Variants in PTPN9 observed in about 807,000 individuals in gnomAD.
PTPN9 encodes protein tyrosine phosphatase non-receptor type 9, also known as tyrosine-protein phosphatase non-receptor type 9.
A neutral mutation model predicts 69.8 loss-of-function variants in PTPN9; 26 were observed. The ratio of observed to expected loss-of-function variants is 0.37; its 90% confidence interval spans 0.27 to 0.52. PTPN9 has a LOEUF of 0.52. Ranked by LOEUF, PTPN9 falls within the 20% of genes least tolerant of loss-of-function variation. The pLI, the probability that PTPN9 is intolerant of heterozygous loss-of-function variation, is 0.91. For missense variants in PTPN9, 549 were observed against 740.3 expected (o/e 0.74, Z 3.00); for synonymous variants, 274 against 272.5 (o/e 1.01, Z -0.05).
chr15:75,506,155 C>T, intron 6 of PTPN9, 152 bp from the exon 7 acceptor site: 1 of 659,734 alleles, frequency 1.5e-6, no homozygotes, highest in East Asian at 2.7e-5. Flanking sequence ...GACTACATTT[C>T]ATCTGCCTGA....
chr15:75,514,923 T>C (rs1440832066), intron 5 of PTPN9, among the ~76,000 whole-genome samples: 2 of 152,150 alleles, frequency 1.3e-5, no homozygotes, highest in Admixed American at 1.3e-4. Flanking sequence ...AGGATGTAGA[T>C]CAATGGAAAT....
At chr15:75,471,928 G>T (rs538283876) in intron 10 of PTPN9, among the ~76,000 whole-genome samples, 157 of 151,972 alleles carry the variant, frequency 1.0e-3, no homozygotes, top group Non-Finnish European at 1.7e-3. Flanking sequence ...GCACAATAGA[G>T]TGAGACTCTT....
chr15:75,505,753 G>C lies in PTPN9; in HGVS notation c.890C>G (p.Ala297Gly). The C allele has an allele frequency of 6.2e-7, 1 of 1,614,106 alleles. No homozygotes were observed. Among genetic ancestry groups the C allele is most frequent in the Non-Finnish European group, 8.5e-7 (1 of 1,180,006 alleles). The change falls in exon 7 of 13, where the codon GCC (alanine) becomes GGC (glycine). Residue 297 changes from alanine to glycine, a missense_variant. Coordinates refer to ENST00000618819, the MANE Select transcript of PTPN9 (RefSeq NM_002833.4). Reference sequence around the variant, plus strand: ...CTCATAGATTCCTTGCTTTTGCCTGGCATTAACATAGTCCACCAACTCTTG... The same window carrying C: ...CTCATAGATTCCTTGCTTTTGCCTGCCATTAACATAGTCCACCAACTCTTG... The part of the protein sequence containing the change: ...TIQELVDYVN[A>G]RQKQGIYEEY...
At chr15:75,554,738 T>C (rs1012406875) in intron 1 of PTPN9, among the ~76,000 whole-genome samples, 1 of 152,224 alleles carries the variant, frequency 6.6e-6, no homozygotes, top group African/African-American at 2.4e-5. Flanking sequence ...AGAGACTATT[T>C]GCAAACCTAC....
chr15:75,576,270 A>C (rs1312363887), intron 1 of PTPN9, among the ~76,000 whole-genome samples: 1 of 135,142 alleles, frequency 7.4e-6, no homozygotes, highest in Non-Finnish European at 1.6e-5. Flanking sequence ...AGTGGCTCAC[A>C]CCTGTGATCC....
chr15:75,483,789 G>A (rs1477401063), intron 8 of PTPN9, among the ~76,000 whole-genome samples: 1 of 152,184 alleles, frequency 6.6e-6, no homozygotes, highest in Non-Finnish European at 1.5e-5. Context: ...CTGTTCTCAT[G>A]AAAGCAGGAT....
chr15:75,478,684 G>T (rs1339845391), intron 9 of PTPN9, among the ~76,000 whole-genome samples: 2 of 152,192 alleles, frequency 1.3e-5, no homozygotes, highest in Non-Finnish European at 1.5e-5. Context: ...CCACAATCTG[G>T]ATTGTTTCCC....
chr15:75,571,537 T>C (rs2075148411), intron 1 of PTPN9, among the ~76,000 whole-genome samples: 1 of 152,050 alleles, frequency 6.6e-6, no homozygotes, highest in African/African-American at 2.4e-5. Context: ...GTGGGTAGAC[T>C]GCTTGAGCCC....
chr15:75,497,388 A>C (rs2074748499), intron 7 of PTPN9, among the ~76,000 whole-genome samples: 1 of 152,182 alleles, frequency 6.6e-6, no homozygotes, highest in East Asian at 1.9e-4. Flanking sequence ...GCTACTAGGA[A>C]GGCTAAGGCA....
chr15:75,481,044 G>A (rs1443075211), intron 8 of PTPN9, among the ~76,000 whole-genome samples: 15 of 69,294 alleles, frequency 2.2e-4, no homozygotes, highest in African/African-American at 8.3e-4. Context: ...CTTCCCAGCC[G>A]CCATCACATC....
intron 9 of PTPN9, among the ~76,000 whole-genome samples, chr15:75,478,316 G>A (rs1309304331): frequency 6.6e-6 from 1 of 151,020 alleles, no homozygotes; most frequent in Admixed American, 6.6e-5. Flanking sequence ...TGTTGGTCAG[G>A]CTGGTCTCGA....
At chr15:75,517,111 C>G in intron 5 of PTPN9, 148 bp downstream of exon 5, 1 of 554,586 alleles carries the variant, frequency 1.8e-6, no homozygotes, top group Non-Finnish European at 3.1e-6. Flanking sequence ...TCTAAGGAAG[C>G]AGAGAGTAGT....
At chr15:75,473,280 C>T (rs551442087) in intron 10 of PTPN9, among the ~76,000 whole-genome samples, 21 of 151,976 alleles carry the variant, frequency 1.4e-4, no homozygotes, top group Middle Eastern at 3.4e-3. Flanking sequence ...GACAGAGTCT[C>T]GCTCTGTAGC....
At chr15:75,537,586 C>T (rs2074988768) in intron 1 of PTPN9, among the ~76,000 whole-genome samples, 1 of 144,858 alleles carries the variant, frequency 6.9e-6, no homozygotes, top group Non-Finnish European at 1.5e-5. Context: ...ACCCCCACCT[C>T]TATTAAAAAT....
intron 8 of PTPN9, 87 bp from the exon 9 acceptor site, chr15:75,480,001 G>T: frequency 2.3e-6 from 2 of 888,888 alleles, no homozygotes; most frequent in South Asian, 1.7e-5. Flanking sequence ...TAAAACCCAA[G>T]GTGTGAATAT....
chr15:75,574,574 C>G (rs1170852354), intron 1 of PTPN9, among the ~76,000 whole-genome samples: 1 of 152,062 alleles, frequency 6.6e-6, no homozygotes, highest in Admixed American at 6.6e-5. Context: ...CAGCAGTGTC[C>G]AAGACTTCTG....
chr15:75,503,772 G>A (rs1344523367), intron 7 of PTPN9, among the ~76,000 whole-genome samples: 6 of 23,570 alleles, frequency 2.5e-4, no homozygotes, highest in Non-Finnish European at 4.5e-4. Context: ...AGGGAGGTGG[G>A]GGGGGGGTCA....
chr15:75,504,040 C>A (rs1430510677), intron 7 of PTPN9, among the ~76,000 whole-genome samples: 1 of 127,946 alleles, frequency 7.8e-6, no homozygotes, highest in African/African-American at 3.1e-5. Flanking sequence ...GGGGGCTCAG[C>A]CCCCCGCCCG....
At chr15:75,501,834 A>G (rs1227897801) in intron 7 of PTPN9, among the ~76,000 whole-genome samples, 1 of 152,068 alleles carries the variant, frequency 6.6e-6, no homozygotes, top group Non-Finnish European at 1.5e-5. Context: ...CAATTAAAAC[A>G]TGGTAAGAGA....
Sources: allele counts gnomAD v4.1 joint callset (sites outside exome capture counted in the v4.1 genomes callset), GRCh38; gene constraint gnomAD v4.1.1; transcripts MANE v1.5; gene names NCBI Gene and HGNC (gene_info 2026-07-23, HGNC 2026-07-21).